PTPRS: variants seen among roughly 807,000 people sequenced by gnomAD.
PTPRS encodes receptor-type tyrosine-protein phosphatase S.
PTPRS carries 63 observed loss-of-function variants against 215.3 expected under a neutral mutation model. The ratio of observed to expected loss-of-function variants is 0.29; its 90% confidence interval spans 0.24 to 0.36. PTPRS has a LOEUF of 0.36. Among genes scored for constraint, PTPRS ranks in the 10% least tolerant of loss-of-function variants. The pLI, the probability that PTPRS is intolerant of heterozygous loss-of-function variation, is 1.00. For synonymous variants in PTPRS, 1,404 were observed against 1,191.4 expected, an observed-to-expected ratio of 1.18 and a Z score of -3.68; for missense variants, 2,258 against 2,825.8, an observed-to-expected ratio of 0.80 and a Z score of 4.56.
At chr19:5,265,535 T>A (rs2046338712) in intron 4 of PTPRS, among the ~76,000 whole-genome samples, 1 of 151,886 alleles carries the variant, frequency 6.6e-6, no homozygotes, top group African/African-American at 2.4e-5. Context: ...AGAGAGGGGG[T>A]CTCGCTGTGT....
rs1437646174 is a variant in PTPRS, at chr19:5,295,790, G to C, written c.-94-9556C>G. Among the ~76,000 whole-genome samples, 1 of 152,116 alleles carries C rather than the reference G, an allele frequency of 6.6e-6. No individual in the cohort carries two copies. The highest frequency in any genetic ancestry group is 1.9e-4 in the East Asian group (1 of 5,184). On this transcript the variant is annotated intron_variant, in intron 1 of 37. Transcript: ENST00000262963. This position sits in a 1 kb window ranked among gnomAD's most constrained non-coding sequence, Gnocchi z 4.6. The stretch of plus-strand genomic sequence containing the variant: ...GGGTCTCGCTCTGTTGCTCAGGCTG[G>C]AGTGCAGTGGCACCATCATGGCTCA...
At chr19:5,306,659 G>A (rs1450335270) in intron 1 of PTPRS, among the ~76,000 whole-genome samples, 1 of 152,046 alleles carries the variant, frequency 6.6e-6, no homozygotes, top group Non-Finnish European at 1.5e-5. Context: ...CCAATGCCAT[G>A]GTGAATCTCC....
At chr19:5,322,540 A>T (rs1033894382) in intron 1 of PTPRS, among the ~76,000 whole-genome samples, 2 of 152,058 alleles carry the variant, frequency 1.3e-5, no homozygotes, top group East Asian at 3.9e-4. Flanking sequence ...AAAAGCAAGA[A>T]CGTGGAAGCC....
In PTPRS at chr19:5,237,941, A is replaced by G. The variant is rs1039375636; in HGVS notation, c.1849+978T>C. 1.3e-5 allele frequency among the ~76,000 whole-genome samples: 2 copies of G among 151,780 alleles called. No individual in the cohort carries two copies. Among genetic ancestry groups the G allele is most frequent in the African/African-American group, 2.4e-5 (1 of 41,344 alleles). ...GGCTGGAGTTGATGTTAACCCTTCG[A>G]CTGATCCGAGATGCCCCTGTGTACA... On this transcript the variant is annotated intron_variant, in intron 13 of 37. Transcript: ENST00000262963. The surrounding 1 kb of genome is among the most constrained non-coding windows in gnomAD (Gnocchi z 4.2).
chr19:5,244,019 C>T lies in PTPRS; in HGVS notation c.1452G>A (p.Leu484=), dbSNP rs905344830. 2.2e-5 allele frequency: 36 copies of T among 1,608,212 alleles called. No homozygotes were observed. Among genetic ancestry groups the T allele is most frequent in the Non-Finnish European group, 3.1e-5 (36 of 1,179,904 alleles). ...NWQKHNVDDS[L]LTTVGSLLED... is the part of the protein sequence containing the mutation. ...CCAGCAGGCTGCCCACGGTGGTCAG[C>T]AGGCTGTCGTCCACGTTGTGCTTCT... Residue 484 remains leucine (L), a synonymous_variant, in exon 11 of 38, where the codon CTG becomes CTA. Transcript: ENST00000262963. This position sits in a 1 kb window ranked among gnomAD's most constrained non-coding sequence, Gnocchi z 7.2.
At chr19:5,279,532 C>T (rs563476730) in intron 2 of PTPRS, among the ~76,000 whole-genome samples, 1 of 151,802 alleles carries the variant, frequency 6.6e-6, no homozygotes, top group Non-Finnish European at 1.5e-5. Context: ...CTACCACATG[C>T]GGCTAATTTT....
chr19:5,322,918 A>AG (rs2050070851), intron 1 of PTPRS, among the ~76,000 whole-genome samples: 1 of 150,810 alleles, frequency 6.6e-6, no homozygotes, highest in Admixed American at 6.6e-5. Flanking sequence ...AAGAAGAAGA[A>AG]AAAGAAAAAA....
intron 2 of PTPRS, among the ~76,000 whole-genome samples, chr19:5,282,646 T>A (rs2047956910): frequency 6.6e-6 from 1 of 151,706 alleles, no homozygotes; most frequent in Non-Finnish European, 1.5e-5. Context: ...CTACCAAAAA[T>A]ACAAAAATTA....
intron 1 of PTPRS, among the ~76,000 whole-genome samples, chr19:5,332,516 T>C (rs1049641117): frequency 1.3e-5 from 2 of 152,200 alleles, no homozygotes; most frequent in African/African-American, 2.4e-5. Flanking sequence ...CAGGGCTTCC[T>C]TGGAGGTTGA....
intron 5 of PTPRS, among the ~76,000 whole-genome samples, chr19:5,264,122 A>C (rs937365749): frequency 6.8e-6 from 1 of 146,676 alleles, no homozygotes; most frequent in African/African-American, 2.5e-5. Flanking sequence ...GACAGGCTGG[A>C]CTGCCCGTCT....
intron 2 of PTPRS, among the ~76,000 whole-genome samples, chr19:5,274,829 G>A (rs1363109633): frequency 6.6e-6 from 1 of 152,158 alleles, no homozygotes; most frequent in Non-Finnish European, 1.5e-5. Flanking sequence ...GAGACATGTG[G>A]GGAAACTGAG....
rs564438705 is a variant in PTPRS at position 5,257,412 on chromosome 19, C to T, written c.706+605G>A. On this transcript the variant is annotated intron_variant, in intron 8 of 37. Transcript: ENST00000262963. The surrounding 1 kb of genome is among the most constrained non-coding windows in gnomAD (Gnocchi z 4.4). ...GCCCGCTGTGGCTCCAGCCTCCCAT[C>T]GGCCTGGACTGCCCTTCTCGGAGAG... The T allele has an allele frequency of 3.9e-5, 18 of 457,190 alleles. No individual in the cohort carries two copies. The highest frequency in any genetic ancestry group is 6.9e-5 in the East Asian group (1 of 14,470). 28.3% of individuals were successfully genotyped at this position (457,190 alleles called of 1,614,324 possible). A position where few individuals can be genotyped will look rare whatever the true frequency, so the allele number is the denominator to read the frequency against.
Position 5,212,361 on chromosome 19 carries a change from G to A in PTPRS, c.4745C>T (p.Ala1582Val), listed in dbSNP as rs771943247. The A allele has an allele frequency of 1.2e-6, 2 of 1,611,374 alleles. No homozygotes were observed. The highest frequency in any genetic ancestry group is 2.2e-5 in the East Asian group (1 of 44,738). The change falls in exon 31 of 38, where the codon GCC (alanine) becomes GTC (valine). Residue 1582 changes from alanine (A) to valine (V), a missense_variant. Ala to Val is a moderately conservative substitution (Grantham distance 64, BLOSUM62 0). Transcript: ENST00000262963. ...CCTGCAGTGAACCACGATGGGGCCG[G>A]CATCTGGCGGGTTGCAGGTCTTGAC... ...RRVKTCNPPDAGPIVVHCSAG... is the reference protein window; with the variant it reads ...RRVKTCNPPDVGPIVVHCSAG...
Position 5,333,330 on chromosome 19 carries a change from A to AT in PTPRS, c.-95+7333dup, listed in dbSNP as rs1224196829. On this transcript the variant is annotated intron_variant, in intron 1 of 37. Coordinates refer to ENST00000262963, the MANE Select transcript of PTPRS (RefSeq NM_002850.4). ...ACAAAAAAAAAATAAATAAATAATA[A>AT]TAATAATAATAATAATAATACAAAA... Among the ~76,000 whole-genome samples, 251 of 149,930 alleles carry AT rather than the reference A, an allele frequency of 1.7e-3. 2 individuals are homozygous for AT. Among genetic ancestry groups the AT allele is most frequent in the African/African-American group, 5.9e-3 (240 of 40,708 alleles).
chr19:5,221,612 T>C (rs1448956588), intron 19 of PTPRS, among the ~76,000 whole-genome samples: 2 of 152,062 alleles, frequency 1.3e-5, no homozygotes, highest in South Asian at 2.1e-4. Flanking sequence ...GCGCTGACCC[T>C]AGGTGGAAAC....
chr19:5,329,582 A>G (rs1455144897), intron 1 of PTPRS, among the ~76,000 whole-genome samples: 3 of 151,808 alleles, frequency 2.0e-5, no homozygotes, highest in African/African-American at 4.8e-5. Context: ...TGGCTAACAC[A>G]GTGAAACTCT....
rs538948266 is a variant in PTPRS at position 5,262,807 on chromosome 19, C to T, written c.577+157G>A. ...AGCTGGGGAGGGCTGAGGGGCCGGT[C>T]GCGGGGAGGAGGGAGAGGGCGTTAG... On this transcript the variant is annotated intron_variant, in intron 6 of 37. Transcript: ENST00000262963. 2.2e-4 allele frequency among the ~76,000 whole-genome samples: 34 copies of T among 151,780 alleles called. No homozygotes were observed. In the South Asian group the frequency reaches 6.7e-3, roughly 30 times the overall value.
intron 2 of PTPRS, among the ~76,000 whole-genome samples, chr19:5,275,068 CTTTTCTTTTTTT>C (rs2047243353): frequency 2.1e-5 from 2 of 94,552 alleles, no homozygotes; most frequent in Non-Finnish European, 4.1e-5. Flanking sequence ...TCGTCATTTT[CTTTTCTTTTTTT>C]TTTTTTTCCA....
rs750718153 is a variant in PTPRS at position 5,273,437 on chromosome 19, A to G, written c.379+5T>C. On this transcript the variant is annotated splice_donor_5th_base_variant and intron_variant, in intron 4 of 37. Transcript: ENST00000262963. ...ATCCTCCGCCCGCCCTGAGGAGCCC[A>G]ATACCTCGGAGGACAGTAAGCTTGG... The G allele has an allele frequency of 6.2e-6, 10 of 1,614,150 alleles. No homozygotes were observed. Among genetic ancestry groups the G allele is most frequent in the South Asian group, 2.2e-5 (2 of 91,082 alleles).
Sources: allele counts gnomAD v4.1 joint callset (sites outside exome capture counted in the v4.1 genomes callset), GRCh38; gene constraint gnomAD v4.1.1; non-coding constraint Gnocchi (gnomAD v3.1); transcripts MANE v1.5; gene names NCBI Gene and HGNC (gene_info 2026-07-23, HGNC 2026-07-21).